BNC2: variants seen among roughly 807,000 people sequenced by gnomAD.
BNC2 encodes basonuclin zinc finger protein 2, also known as zinc finger protein basonuclin-2.
A neutral mutation model predicts 76.3 loss-of-function variants in BNC2; 20 were observed. That is an observed-to-expected ratio of 0.26 (90% CI 0.18 to 0.38). The LOEUF is 0.38. Among genes scored for constraint, BNC2 ranks in the 10% least tolerant of loss-of-function variants. BNC2 has a pLI of 1.00. For synonymous variants in BNC2, 582 were observed against 514.8 expected (o/e 1.13, Z -1.77); for missense variants, 1,382 against 1,399.8 (o/e 0.99, Z 0.20).
chr9:16,843,357 T>G (rs1239532498), intron 1 of BNC2, among the ~76,000 whole-genome samples: 3 of 152,136 alleles, frequency 2.0e-5, no homozygotes. Flanking sequence ...TGAGACGGAG[T>G]CTTGCTCTGT....
chr9:16,575,217 T>C (rs1819448965), intron 4 of BNC2: 2 of 972,062 alleles, frequency 2.1e-6, no homozygotes, highest in African/African-American at 1.8e-5. Context: ...ATGTAAACAG[T>C]CTCATTCAAG....
At chr9:16,509,991 G>C (rs1035413435) in intron 5 of BNC2, among the ~76,000 whole-genome samples, 1 of 152,180 alleles carries the variant, frequency 6.6e-6, no homozygotes, top group African/African-American at 2.4e-5. Flanking sequence ...ACACTGGTTA[G>C]ACCATTTTTT....
chr9:16,667,437 G>T (rs1822333327), intron 3 of BNC2, among the ~76,000 whole-genome samples: 1 of 152,192 alleles, frequency 6.6e-6, no homozygotes, highest in African/African-American at 2.4e-5. Flanking sequence ...CAACATTGTA[G>T]TTAATTGAAA....
chr9:16,842,491 T>G (rs1818857486), intron 1 of BNC2, among the ~76,000 whole-genome samples: 1 of 152,036 alleles, frequency 6.6e-6, no homozygotes, highest in Non-Finnish European at 1.5e-5. Flanking sequence ...GGAGGGAGAA[T>G]GGAGGATTTA....
At chr9:16,581,703 T>C (rs1819633343) in intron 4 of BNC2, among the ~76,000 whole-genome samples, 1 of 152,140 alleles carries the variant, frequency 6.6e-6, no homozygotes, top group South Asian at 2.1e-4. Context: ...CAAACTAATA[T>C]ATGAAGAGAG....
intron 5 of BNC2, among the ~76,000 whole-genome samples, chr9:16,515,248 T>A: frequency 6.6e-6 from 1 of 152,154 alleles, no homozygotes; most frequent in East Asian, 1.9e-4. Context: ...GTGTCTGAAA[T>A]GGAGCCGCTT....
intron 3 of BNC2, among the ~76,000 whole-genome samples, chr9:16,646,583 A>C (rs1347601283): frequency 6.6e-6 from 1 of 152,168 alleles, no homozygotes; most frequent in African/African-American, 2.4e-5. Context: ...TGGTTGCCTT[A>C]GGGGAAAGGA....
chr9:16,591,064 A>G (rs189812676), intron 3 of BNC2, among the ~76,000 whole-genome samples: 176 of 152,170 alleles, frequency 1.2e-3, no homozygotes, highest in Non-Finnish European at 1.7e-3. Context: ...AGACTAAAAA[A>G]CTCACATGAT....
intron 6 of BNC2, among the ~76,000 whole-genome samples, chr9:16,423,846 T>A (rs1587010036): frequency 6.6e-6 from 1 of 152,320 alleles, no homozygotes; most frequent in Middle Eastern, 3.4e-3. Flanking sequence ...ACCTCTGTAC[T>A]CTTTCTATAC....
intron 4 of BNC2, among the ~76,000 whole-genome samples, chr9:16,557,572 AGTGAAGCTGTTCTAG>A (rs1289547818): frequency 2.0e-5 from 3 of 152,132 alleles, no homozygotes; most frequent in Admixed American, 6.6e-5. Context: ...AATATATAAA[AGTGAAGCTGTTCTAG>A]GTGAAGCTGG....
intron 3 of BNC2, among the ~76,000 whole-genome samples, chr9:16,617,522 T>C (rs1205305983): frequency 2.6e-5 from 2 of 75,678 alleles, no homozygotes; most frequent in African/African-American, 8.3e-5. Context: ...TACGTACAGA[T>C]GGAGGAAAAA....
chr9:16,845,875 C>A (rs576982697), intron 1 of BNC2, among the ~76,000 whole-genome samples: 1 of 151,828 alleles, frequency 6.6e-6, no homozygotes, highest in Non-Finnish European at 1.5e-5. Flanking sequence ...GTGGCCCGGG[C>A]GCGGTGGCTC....
In BNC2 at chr9:16,636,926, A is replaced by AAT. The variant is rs112209032; in HGVS notation, c.331-53843_331-53842dup. On this transcript the variant is annotated intron_variant, in intron 3 of 6. Coordinates refer to ENST00000380672, the MANE Select transcript of BNC2 (RefSeq NM_017637.6). ...TTGTCCTATATTATTCCATGATTTA[A>AAT]ATATATATATATATGTATTTTTTTT... 6.4e-3 allele frequency among the ~76,000 whole-genome samples: 972 copies of AAT among 151,014 alleles called. 8 individuals carry two copies. Among genetic ancestry groups the AAT allele is most frequent in the African/African-American group, 0.02 (821 of 41,256 alleles).
intron 3 of BNC2, among the ~76,000 whole-genome samples, chr9:16,717,068 A>G (rs930231842): frequency 2.6e-5 from 4 of 152,214 alleles, no homozygotes; most frequent in African/African-American, 9.6e-5. Flanking sequence ...ATGACAGTGT[A>G]TTTCTTATGG....
At chr9:16,781,052 T>C (rs534500603) in intron 1 of BNC2, among the ~76,000 whole-genome samples, 1 of 152,248 alleles carries the variant, frequency 6.6e-6, no homozygotes, top group Admixed American at 6.5e-5. Flanking sequence ...TAAAACGCTT[T>C]ATCCAGGGAC....
rs75822743 is a variant in BNC2 at position 16,630,081 on chromosome 9, A to G, written c.331-46996T>C. ...CTGCTTCAATTTGTAAAAGAAATGC[A>G]GTATCTGCAGAGTGCAGTAAAGCCA... is the stretch of plus-strand genomic sequence containing the variant. On this transcript the variant is annotated intron_variant, in intron 3 of 6. Coordinates refer to ENST00000380672, the MANE Select transcript of BNC2 (RefSeq NM_017637.6). Among the ~76,000 whole-genome samples, 408 of 152,376 alleles carry G rather than the reference A, an allele frequency of 2.7e-3. 2 individuals are homozygous for G. The highest frequency in any genetic ancestry group is 9.2e-3 in the African/African-American group (382 of 41,588).
intron 3 of BNC2, among the ~76,000 whole-genome samples, chr9:16,600,172 G>C (rs78993166): frequency 6.6e-6 from 1 of 152,294 alleles, no homozygotes; most frequent in African/African-American, 2.4e-5. Context: ...TTGTAAGTTT[G>C]TGAGATGGCT....
chr9:16,827,125 G>C (rs1051685103), intron 1 of BNC2, among the ~76,000 whole-genome samples: 1 of 152,146 alleles, frequency 6.6e-6, no homozygotes, highest in Non-Finnish European at 1.5e-5. Context: ...TTTAATTACT[G>C]TAAAGTTACA....
chr9:16,806,239 G>A (rs1359601240), intron 1 of BNC2, among the ~76,000 whole-genome samples: 1 of 152,186 alleles, frequency 6.6e-6, no homozygotes, highest in Non-Finnish European at 1.5e-5. Flanking sequence ...GTTCTGGGAG[G>A]CAAAAGCAGG....
Sources: gnomAD v4.1 joint callset for allele counts (sites outside exome capture counted in the v4.1 genomes callset) on GRCh38, gnomAD v4.1.1 for gene constraint, MANE v1.5 for transcripts, NCBI Gene and HGNC (gene_info 2026-07-23, HGNC 2026-07-21) for gene names.